Variants in FAT1 observed in about 807,000 individuals in gnomAD.
The protein encoded by FAT1 is FAT atypical cadherin 1.
A neutral mutation model predicts 329.8 loss-of-function variants in FAT1; 171 were observed. That is an observed-to-expected ratio of 0.52 (90% CI 0.46 to 0.59). The LOEUF (loss-of-function observed/expected upper bound fraction) is 0.59. FAT1 is among the 20% of genes least tolerant of loss of function. FAT1 has a pLI of 0.00. For synonymous variants in FAT1, 2,233 were observed against 2,228.6 expected (o/e 1.00, Z -0.06); for missense variants, 5,672 against 5,774.4 (o/e 0.98, Z 0.57).
chr4:186,593,513 A>G (rs1462921270), intron 26 of FAT1, among the ~76,000 whole-genome samples: 2 of 152,184 alleles, frequency 1.3e-5, no homozygotes, highest in African/African-American at 2.4e-5. Flanking sequence ...CAGATAAGGA[A>G]ATTGAGATGA....
intron 20 of FAT1, 146 bp from the exon 21 acceptor site, chr4:186,601,572 T>C: frequency 1.8e-6 from 1 of 557,722 alleles, no homozygotes; most frequent in South Asian, 4.7e-5. Flanking sequence ...GGAAAACGTC[T>C]ATTTGCTTAA....
intron 3 of FAT1, among the ~76,000 whole-genome samples, chr4:186,649,247 A>T (rs908398676): frequency 1.3e-5 from 2 of 152,216 alleles, no homozygotes; most frequent in African/African-American, 4.8e-5. Flanking sequence ...AAAGCCTGTT[A>T]GAACAAAAGT....
chr4:186,665,447 G>T (rs1176987446), intron 2 of FAT1, among the ~76,000 whole-genome samples: 2 of 152,116 alleles, frequency 1.3e-5, no homozygotes, highest in African/African-American at 4.8e-5. Context: ...GATGGCCAGT[G>T]ATGATGAGCA....
intron 4 of FAT1, among the ~76,000 whole-genome samples, chr4:186,638,511 C>T (rs538134441): frequency 1.3e-5 from 2 of 152,014 alleles, no homozygotes; most frequent in South Asian, 4.2e-4. Flanking sequence ...AACTTTACAC[C>T]CTATGAACTA....
chr4:186,692,298 T>C (rs1273676092), intron 2 of FAT1, among the ~76,000 whole-genome samples: 4 of 131,486 alleles, frequency 3.0e-5, no homozygotes, highest in African/African-American at 1.1e-4. Flanking sequence ...TTAAAATACA[T>C]CTTAGGTTAT....
chr4:186,615,868 T>A (rs1739685523), intron 11 of FAT1, among the ~76,000 whole-genome samples: 1 of 152,098 alleles, frequency 6.6e-6, no homozygotes, highest in South Asian at 2.1e-4. Context: ...CCATCCAACA[T>A]CTCGCCATCT....
rs776718847 is a variant in FAT1, at chr4:186,628,242, C to G, written c.4722G>C (p.Ser1574=). Residue 1574 remains serine, a synonymous_variant, in exon 9 of 27, where the codon TCG becomes TCC. Transcript: ENST00000441802. ...ASSYKGRVYE[S]AAVGSVVLQV... is the part of the protein sequence containing the mutation. ...GCAACACAACTGAGCCAACGGCTGC[C>G]GATTCATAAACCCGCCCTTTGTAGG... 1 of 1,613,922 alleles carries G rather than the reference C, an allele frequency of 6.2e-7. No individual in the cohort carries two copies. Among genetic ancestry groups the G allele is most frequent in the Non-Finnish European group, 8.5e-7 (1 of 1,179,876 alleles).
At chr4:186,589,886 A>G (rs567288521) in intron 26 of FAT1, among the ~76,000 whole-genome samples, 3 of 152,300 alleles carry the variant, frequency 2.0e-5, no homozygotes, top group African/African-American at 7.2e-5. Context: ...AGTTTAGAAA[A>G]TAAGCTTCCT....
At chr4:186,716,554 G>T (rs1198479915) in intron 1 of FAT1, among the ~76,000 whole-genome samples, 1 of 151,786 alleles carries the variant, frequency 6.6e-6, no homozygotes, top group African/African-American at 2.4e-5. Context: ...CCGCCTCCGG[G>T]GTACCTGGGC....
intron 3 of FAT1, among the ~76,000 whole-genome samples, chr4:186,647,887 G>A (rs1741452161): frequency 6.6e-6 from 1 of 152,194 alleles, no homozygotes; most frequent in African/African-American, 2.4e-5. Flanking sequence ...GACTGTGGCA[G>A]GGACTGCTCC....
At position 186,599,853 on chromosome 4, in the gene FAT1, T is replaced by A. The variant is rs1267644129; in HGVS notation, c.12103+45A>T. 2.1e-6 allele frequency: 3 copies of A among 1,429,910 alleles called. No individual in the cohort carries two copies. In the East Asian group the frequency reaches 6.9e-5, roughly 33 times the overall value. The allele number at this position is 1,429,910 out of a possible 1,614,324, so 88.6% of individuals were successfully genotyped here. A position where few individuals can be genotyped will look rare whatever the true frequency, so the allele number is the denominator to read the frequency against. On this transcript the variant is annotated intron_variant, in intron 22 of 26. Coordinates refer to ENST00000441802, the MANE Select transcript of FAT1 (RefSeq NM_005245.4). ...TACCTGGGGAGCTTCCCCTTAAATG[T>A]ACACACGTGCAGCATTTTAAAGATG...
At chr4:186,601,962 T>C (rs1447864987) in intron 20 of FAT1, among the ~76,000 whole-genome samples, 1 of 152,214 alleles carries the variant, frequency 6.6e-6, no homozygotes, top group Non-Finnish European at 1.5e-5. Flanking sequence ...ACACTGTGAA[T>C]GTTAATACTC....
intron 26 of FAT1, among the ~76,000 whole-genome samples, chr4:186,594,301 TC>T (rs151231440): frequency 0.065 from 9,936 of 152,044 alleles, 753 homozygotes; most frequent in African/African-American, 0.18. Flanking sequence ...AACCTTGTGA[TC>T]CGCCCGCCTT....
intron 26 of FAT1, among the ~76,000 whole-genome samples, chr4:186,595,365 G>A (rs1380323427): frequency 4.0e-5 from 6 of 151,866 alleles, no homozygotes; most frequent in Non-Finnish European, 7.4e-5. Context: ...AGAAAGTTGC[G>A]AGGAAGATTT....
intron 2 of FAT1, among the ~76,000 whole-genome samples, chr4:186,694,991 A>G (rs1230953706): frequency 6.6e-6 from 1 of 152,180 alleles, no homozygotes; most frequent in Admixed American, 6.5e-5. Flanking sequence ...ACAAAAATAC[A>G]AAACAGCTTT....
intron 15 of FAT1, among the ~76,000 whole-genome samples, 161 bp from the exon 16 acceptor site, chr4:186,609,481 A>G (rs1193078820): frequency 6.6e-6 from 1 of 152,066 alleles, no homozygotes; most frequent in African/African-American, 2.4e-5. Context: ...CAGTGGCACA[A>G]TCTCGGCTCA....
chr4:186,693,077 G>A (rs1743862835), intron 2 of FAT1, among the ~76,000 whole-genome samples: 1 of 152,154 alleles, frequency 6.6e-6, no homozygotes, highest in South Asian at 2.1e-4. Flanking sequence ...TTACGTTCTA[G>A]TTTAAATGGA....
rs748663270 is a variant in FAT1, at chr4:186,618,392, T to C, written c.8194A>G (p.Thr2732Ala). ...CCTTTGACCAGGCTGTAAAGAACAG[T>C]CCCACTATGTTCTGCTCGGATGAGA... is the stretch of plus-strand genomic sequence containing the variant. Reference protein sequence around the residue: ...IDLIRAEHSGTVLYSLVKGNT... With the variant: ...IDLIRAEHSGAVLYSLVKGNT... Residue 2732 changes from threonine (T) to alanine (A), a missense_variant, in exon 10 of 27, where the codon ACT becomes GCT. Coordinates refer to ENST00000441802, the MANE Select transcript of FAT1 (RefSeq NM_005245.4). The C allele has an allele frequency of 6.2e-7, 1 of 1,614,012 alleles. No individual in the cohort carries two copies. Among genetic ancestry groups the C allele is most frequent in the Non-Finnish European group, 8.5e-7 (1 of 1,179,882 alleles).
chr4:186,643,819 C>T (rs918008949), intron 3 of FAT1, among the ~76,000 whole-genome samples: 12 of 139,624 alleles, frequency 8.6e-5, no homozygotes, highest in East Asian at 4.7e-4. Flanking sequence ...CTTGAAACAT[C>T]GACTTCAAAC....
Sources: allele counts gnomAD v4.1 joint callset (sites outside exome capture counted in the v4.1 genomes callset), GRCh38; gene constraint gnomAD v4.1.1; transcripts MANE v1.5; gene names NCBI Gene and HGNC (gene_info 2026-07-23, HGNC 2026-07-21).